SFTPB: variants seen among roughly 807,000 people sequenced by gnomAD.
SFTPB encodes the protein pulmonary surfactant-associated protein B.
In SFTPB, 32 loss-of-function variants were observed where a neutral mutation model predicts 51.0. The observed-to-expected ratio is 0.63, with a 90% CI of 0.47 to 0.84. The LOEUF is 0.84. Ranked by LOEUF, SFTPB falls within the 40% of genes least tolerant of loss-of-function variation. The pLI is 0.00. For missense variants in SFTPB, 431 were observed against 491.2 expected (o/e 0.88, Z 1.16); for synonymous variants, 211 against 208.5 (o/e 1.01, Z -0.10).
rs546688676 is a variant in SFTPB at position 85,661,648 on chromosome 2, G to A, written c.1084-113C>T. ...ACCTCCCGCCTAGTGGGTGCTACCAGTGTGACTCTGTAGACCCCTCGGGCC... is the reference window on the plus strand; with the variant it reads ...ACCTCCCGCCTAGTGGGTGCTACCAATGTGACTCTGTAGACCCCTCGGGCC... On this transcript the variant is annotated intron_variant, in intron 9 of 10. Coordinates refer to ENST00000519937, the MANE Select transcript of SFTPB (RefSeq NM_000542.5). The A allele has an allele frequency of 1.6e-5, 14 of 866,576 alleles. No homozygotes were observed. In the African/African-American group the frequency reaches 2.0e-4, roughly 12 times the overall value. 53.7% of individuals were successfully genotyped at this position (866,576 alleles called of 1,614,324 possible).
chr2:85,666,398 TG>T (rs1245247785), intron 4 of SFTPB: 25 of 526,254 alleles, frequency 4.8e-5, no homozygotes, highest in Non-Finnish European at 8.0e-5. Context: ...GTACTGTGTG[TG>T]TGTGTGTCCG....
rs886888056 is a variant in SFTPB at position 85,667,667 on chromosome 2, G to A, written c.195+12C>T. 1 of 1,614,192 alleles carries A rather than the reference G, an allele frequency of 6.2e-7. No individual in the cohort carries two copies. The highest frequency in any genetic ancestry group is 1.3e-5 in the African/African-American group (1 of 75,062). On this transcript the variant is annotated intron_variant, in intron 2 of 10. Coordinates refer to ENST00000519937, the MANE Select transcript of SFTPB (RefSeq NM_000542.5). The stretch of plus-strand genomic sequence containing the variant: ...AGACCCCCAGTTGCCATGCATCCTT[G>A]GTGGTACTCACGGCTCCCACATGTC...
At chr2:85,666,499 G>A in intron 4 of SFTPB, 118 bp downstream of exon 4, 1 of 901,052 alleles carries the variant, frequency 1.1e-6, no homozygotes, top group Non-Finnish European at 1.6e-6. Context: ...GGTGCTGTGT[G>A]TGTGTGTGTG....
chr2:85,667,632 C>G (rs2104418680), intron 2 of SFTPB, 47 bp downstream of exon 2: 2 of 1,614,046 alleles, frequency 1.2e-6, no homozygotes, highest in South Asian at 2.2e-5. Context: ...CACCCAGCAC[C>G]CTTCATTTCA....
chr2:85,665,243 A>C lies in SFTPB; in HGVS notation c.672+46T>G, dbSNP rs1208281712. On this transcript the variant is annotated intron_variant, in intron 6 of 10. Coordinates refer to ENST00000519937, the MANE Select transcript of SFTPB (RefSeq NM_000542.5). ...AGAGGTGGGAGCTGCAGGGAGCTAC[A>C]GGTATGCGTGTGCTCCTGGGCTCTG... 2.2e-6 allele frequency: 3 copies of C among 1,339,444 alleles called. No individual in the cohort carries two copies. The South Asian group carries it at 3.5e-5, about 16-fold the overall frequency. The allele number at this position is 1,339,444 out of a possible 1,614,324, so 83.0% of individuals were successfully genotyped here.
intron 10 of SFTPB, among the ~76,000 whole-genome samples, chr2:85,660,288 ATTTTTTTTTTTT>A (rs60518418): frequency 1.6e-4 from 13 of 80,562 alleles, no homozygotes; most frequent in African/African-American, 2.4e-4. Flanking sequence ...CATCTGGCTA[ATTTTTTTTTTTT>A]TTTTTTTTTT....
chr2:85,661,810 C>T (rs1229234331), intron 9 of SFTPB, among the ~76,000 whole-genome samples: 1 of 152,190 alleles, frequency 6.6e-6, no homozygotes, highest in Non-Finnish European at 1.5e-5. Flanking sequence ...GGACATCCAG[C>T]CGCACTCCTC....
intron 6 of SFTPB, 78 bp from the exon 7 acceptor site, chr2:85,663,925 G>A: frequency 1.4e-6 from 2 of 1,384,140 alleles, no homozygotes; most frequent in Non-Finnish European, 2.0e-6. Context: ...ACCCAGCTGG[G>A]CACTTCCTAC....
intron 8 of SFTPB, 34 bp downstream of exon 8, chr2:85,663,312 C>T (rs1315241717): frequency 6.2e-7 from 1 of 1,605,542 alleles, no homozygotes; most frequent in Middle Eastern, 1.7e-4. Context: ...TTGAACGGGC[C>T]CTGACCATGA....
chr2:85,667,712 A>C lies in SFTPB; in HGVS notation c.162T>G (p.His54Gln). The part of the protein sequence containing the change: ...EQALQCRALG[H>Q]CLQEVWGHVG... ...CATGTCCCCAGACTTCCTGTAGGCA[A>C]TGCCCTAGGGCTCTGCACTGCAATG... The change falls in exon 2 of 11, where the codon CAT becomes CAG. Residue 54 changes from histidine to glutamine, a missense_variant. His to Gln is a conservative substitution (Grantham distance 24). Coordinates refer to ENST00000519937, the MANE Select transcript of SFTPB (RefSeq NM_000542.5). The C allele has an allele frequency of 8.1e-6, 13 of 1,614,222 alleles. No homozygotes were observed. Among genetic ancestry groups the C allele is most frequent in the Non-Finnish European group, 1.1e-5 (13 of 1,180,028 alleles).
chr2:85,659,932 G>C (rs1677203050), intron 10 of SFTPB, among the ~76,000 whole-genome samples: 1 of 152,166 alleles, frequency 6.6e-6, no homozygotes, highest in Non-Finnish European at 1.5e-5. Flanking sequence ...GTCCCTGTGG[G>C]TCAGGTCTGA....
Position 85,667,826 on chromosome 2 carries a change from C to G in SFTPB, c.68-20G>C, listed in dbSNP as rs540197745. 8 of 1,614,240 alleles carry G rather than the reference C, an allele frequency of 5.0e-6. No homozygotes were observed. In the East Asian group the frequency reaches 1.8e-4, roughly 36 times the overall value. The stretch of plus-strand genomic sequence containing the variant: ...AGGCAGCTGTGGTTTGGGGCCAGAG[C>G]AACCTTAATCAGGATCCAGGCTACA... On this transcript the variant is annotated intron_variant, in intron 1 of 10. Coordinates refer to ENST00000519937, the MANE Select transcript of SFTPB (RefSeq NM_000542.5).
Position 85,664,253 on chromosome 2 carries a change from CT to C in SFTPB, c.673-407del, listed in dbSNP as rs3024804. 9.9e-3 allele frequency among the ~76,000 whole-genome samples: 1,512 copies of C among 152,268 alleles called. 22 individuals carry two copies. Among genetic ancestry groups the C allele is most frequent in the African/African-American group, 0.034 (1,430 of 41,532 alleles). ...TTTTTTTGCTCAAACCTGTTTTCTT[CT>C]TTAGTCTCCCCATCTCAGCTGCTGG... On this transcript the variant is annotated intron_variant, in intron 6 of 10. Transcript: ENST00000519937.
rs138729391 is a variant in SFTPB at position 85,666,652 on chromosome 2, A to G, written c.358T>C (p.Phe120Leu). The part of the protein sequence containing the change: ...PQCNQVLDDY[F>L]PLVIDYFQNQ... ...TGGAAGTAGTCGATGACCAGGGGGA[A>G]GTAGTCGTCAAGCACTTGGTTGCAC... Residue 120 changes from phenylalanine (F) to leucine (L), a missense_variant, in exon 4 of 11, where the codon TTC (phenylalanine) becomes CTC (leucine). Phe to Leu is a conservative substitution (Grantham distance 22). Transcript: ENST00000519937. 2.7e-5 allele frequency: 43 copies of G among 1,613,528 alleles called. No individual in the cohort carries two copies. Among genetic ancestry groups the G allele is most frequent in the Admixed American group, 1.7e-4 (10 of 59,990 alleles).
chr2:85,667,995 C>G, intron 1 of SFTPB, 122 bp downstream of exon 1: 1 of 1,177,662 alleles, frequency 8.5e-7, no homozygotes, highest in Non-Finnish European at 1.2e-6. Flanking sequence ...GCTCTGAACC[C>G]TCTCTGAACC....
In SFTPB at chr2:85,659,091, G is replaced by A. The variant is rs1050889741; in HGVS notation, c.*611C>T. 3.3e-5 allele frequency: 5 copies of A among 152,064 alleles called. No individual in the cohort carries two copies. Among genetic ancestry groups the A allele is most frequent in the Admixed American group, 6.6e-5 (1 of 15,248 alleles). 9.4% of individuals were successfully genotyped at this position (152,064 alleles called of 1,614,324 possible). On this transcript the variant is annotated 3_prime_UTR_variant, in exon 11 of 11. Transcript: ENST00000519937. ...TAGCTCTCAAGCAGCAGAGCATCTC[G>A]AGGAAGAAAGCTTGCCCGGTCGCCA...
At chr2:85,664,875 C>T (rs1419600417) in intron 6 of SFTPB, among the ~76,000 whole-genome samples, 4 of 152,226 alleles carry the variant, frequency 2.6e-5, no homozygotes, top group African/African-American at 9.6e-5. Context: ...GTCTGGAAGA[C>T]TCCAAGTTGG....
At chr2:85,659,845 C>T (rs774128665) in intron 10 of SFTPB, among the ~76,000 whole-genome samples, 163 bp from the exon 11 acceptor site, 56 of 152,332 alleles carry the variant, frequency 3.7e-4, no homozygotes, top group East Asian at 7.7e-4. Context: ...TGGGGAAAGG[C>T]GACTGCCCGG....
intron 8 of SFTPB, 190 bp from the exon 9 acceptor site, chr2:85,662,299 T>A: frequency 6.9e-7 from 1 of 1,443,890 alleles, no homozygotes; most frequent in Non-Finnish European, 9.2e-7. Context: ...AGGACTTCCA[T>A]CAGAAAAGCA....
Sources: allele counts gnomAD v4.1 joint callset (sites outside exome capture counted in the v4.1 genomes callset), GRCh38; gene constraint gnomAD v4.1.1; transcripts MANE v1.5; gene names NCBI Gene and HGNC (gene_info 2026-07-23, HGNC 2026-07-21).